Variants in DLC1 observed in about 807,000 individuals in gnomAD.
DLC1 encodes the protein rho GTPase-activating protein 7.
DLC1 carries 54 observed loss-of-function variants against 140.3 expected under a neutral mutation model. The observed-to-expected ratio is 0.38, with a 90% CI of 0.31 to 0.48. The LOEUF is 0.48. Ranked by LOEUF, DLC1 falls within the 20% of genes least tolerant of loss-of-function variation. The pLI, the probability that DLC1 is intolerant of heterozygous loss-of-function variation, is 0.96. For missense variants in DLC1, 2,536 were observed against 1,907.0 expected, an observed-to-expected ratio of 1.33 and a Z score of -6.14; for synonymous variants, 986 against 728.1, an observed-to-expected ratio of 1.35 and a Z score of -5.70.
intron 2 of DLC1, among the ~76,000 whole-genome samples, chr8:13,481,727 G>A (rs1338320675): frequency 3.3e-5 from 5 of 152,142 alleles, no homozygotes; most frequent in Non-Finnish European, 7.4e-5. Context: ...ATGTTGAAAT[G>A]TTATCCCCAG....
intron 5 of DLC1, among the ~76,000 whole-genome samples, chr8:13,219,298 A>G (rs1324381878): frequency 7.1e-6 from 1 of 140,966 alleles, no homozygotes; most frequent in African/African-American, 2.6e-5. Context: ...TTATATAGTT[A>G]TATTCTTAAA....
At chr8:13,452,826 G>A (rs371507379) in intron 2 of DLC1, among the ~76,000 whole-genome samples, 4 of 152,224 alleles carry the variant, frequency 2.6e-5, no homozygotes, top group South Asian at 2.1e-4. Flanking sequence ...GACTTTCCAC[G>A]AGGGGATACT....
At chr8:13,452,738 ATC>A (rs1799126860) in intron 2 of DLC1, among the ~76,000 whole-genome samples, 1 of 151,950 alleles carries the variant, frequency 6.6e-6, no homozygotes, top group South Asian at 2.1e-4. Context: ...AACCATGCTG[ATC>A]TCACTTGATG....
chr8:13,241,241 A>G (rs1655023051), intron 5 of DLC1, among the ~76,000 whole-genome samples: 1 of 152,230 alleles, frequency 6.6e-6, no homozygotes, highest in African/African-American at 2.4e-5. Context: ...AGATGCTTAG[A>G]AAGTATCCAG....
chr8:13,127,642 G>C (rs542243997), intron 5 of DLC1, among the ~76,000 whole-genome samples: 1 of 152,194 alleles, frequency 6.6e-6, no homozygotes, highest in Non-Finnish European at 1.5e-5. Flanking sequence ...ACCGTGCATG[G>C]GCCACAGGCC....
intron 5 of DLC1, among the ~76,000 whole-genome samples, chr8:13,280,161 A>C (rs1405751506): frequency 6.6e-6 from 1 of 151,004 alleles, no homozygotes; most frequent in Non-Finnish European, 1.5e-5. Flanking sequence ...GGTGGCAGGT[A>C]CCTATAGTCC....
At chr8:13,267,727 GGAGT>G (rs1830747985) in intron 5 of DLC1, among the ~76,000 whole-genome samples, 1 of 116,394 alleles carries the variant, frequency 8.6e-6, no homozygotes, top group African/African-American at 3.5e-5. Context: ...TGATTCCTGA[GGAGT>G]GTGTGTGTGT....
At position 13,084,495 on chromosome 8, in the gene DLC1, C is replaced by G. The variant is rs1817394964; in HGVS notation, c.*1316G>C. ...CAGTAAAACCTGAATAAAGACCACC[C>G]TTCTAAAGGTTCTAAAAAACTTCAC... On this transcript the variant is annotated 3_prime_UTR_variant, in exon 18 of 18. Transcript: ENST00000276297. The G allele has an allele frequency of 6.6e-6, 1 of 152,404 alleles. No homozygotes were observed. Among genetic ancestry groups the G allele is most frequent in the African/African-American group, 2.4e-5 (1 of 41,350 alleles). The allele number at this position is 152,404 out of a possible 1,614,324, so 9.4% of individuals were successfully genotyped here.
At chr8:13,317,287 C>T (rs967253158) in intron 4 of DLC1, among the ~76,000 whole-genome samples, 4 of 152,234 alleles carry the variant, frequency 2.6e-5, no homozygotes, top group South Asian at 4.1e-4. Context: ...AGTATGAAAA[C>T]GTTAGTGTCC....
At chr8:13,591,042 G>A (rs929167249) in intron 1 of DLC1, among the ~76,000 whole-genome samples, 3 of 152,030 alleles carry the variant, frequency 2.0e-5, no homozygotes, top group African/African-American at 7.2e-5. Context: ...AGGAATGAAG[G>A]AAATTTATAT....
intron 5 of DLC1, among the ~76,000 whole-genome samples, chr8:13,204,495 T>C (rs1415213748): frequency 1.3e-5 from 2 of 152,228 alleles, no homozygotes; most frequent in African/African-American, 2.4e-5. Flanking sequence ...AAAATCTTTT[T>C]ATCTAAAAAT....
At chr8:13,403,815 T>TC (rs1489231756) in intron 2 of DLC1, among the ~76,000 whole-genome samples, 3 of 148,674 alleles carry the variant, frequency 2.0e-5, no homozygotes, top group African/African-American at 7.5e-5. Context: ...CTGTTTTTTT[T>TC]TTTTTTTTTT....
intron 2 of DLC1, among the ~76,000 whole-genome samples, chr8:13,450,964 G>A (rs1001432805): frequency 3.4e-5 from 5 of 145,804 alleles, no homozygotes; most frequent in Non-Finnish European, 6.0e-5. Context: ...ACTTGAAACC[G>A]GGAGGCAGAG....
intron 5 of DLC1, among the ~76,000 whole-genome samples, chr8:13,272,969 C>T (rs1188285): frequency 0.44 from 66,209 of 152,124 alleles, 14,804 homozygotes; most frequent in East Asian, 0.79. Flanking sequence ...AATTCATTCA[C>T]GGTATACTAG....
intron 1 of DLC1, among the ~76,000 whole-genome samples, chr8:13,552,165 ATCTGTCTAGAGGTG>A (rs1803889732): frequency 1.4e-5 from 2 of 138,800 alleles, no homozygotes; most frequent in African/African-American, 5.2e-5. Flanking sequence ...ACATATATAT[ATCTGTCTAGAGGTG>A]TATATATATA....
intron 4 of DLC1, among the ~76,000 whole-genome samples, chr8:13,306,809 CA>C (rs1243977610): frequency 6.6e-6 from 1 of 151,880 alleles, no homozygotes; most frequent in African/African-American, 2.4e-5. Flanking sequence ...AGAGGCTGGG[CA>C]CCGTGGCTCA....
chr8:13,276,234 C>A (rs73557966), intron 5 of DLC1: 33,134 of 1,534,182 alleles, frequency 0.022, 871 homozygotes, highest in African/African-American at 0.12. Context: ...CCCTCACCCC[C>A]GGTCTCCAAT....
intron 4 of DLC1, among the ~76,000 whole-genome samples, chr8:13,364,881 T>G (rs1835406381): frequency 6.6e-6 from 1 of 152,220 alleles, no homozygotes; most frequent in Non-Finnish European, 1.5e-5. Flanking sequence ...AATTGCCAAC[T>G]AAGAAACTCA....
chr8:13,207,649 A>G (rs1349843999), intron 5 of DLC1, among the ~76,000 whole-genome samples: 1 of 152,142 alleles, frequency 6.6e-6, no homozygotes, highest in Non-Finnish European at 1.5e-5. Context: ...TGTTACATGA[A>G]CGTTATTTAG....
Sources: gnomAD v4.1 joint callset for allele counts (sites outside exome capture counted in the v4.1 genomes callset) on GRCh38, gnomAD v4.1.1 for gene constraint, MANE v1.5 for transcripts, NCBI Gene and HGNC (gene_info 2026-07-23, HGNC 2026-07-21) for gene names.